Variants in DPP6 observed in about 807,000 individuals in gnomAD.
The protein encoded by DPP6 is dipeptidyl peptidase like 6, also known as A-type potassium channel modulatory protein DPP6.
DPP6 carries 69 observed loss-of-function variants against 122.6 expected under a neutral mutation model. The observed-to-expected ratio is 0.56, with a 90% CI of 0.46 to 0.69. DPP6 has a LOEUF of 0.69. DPP6 is among the 30% of genes least tolerant of loss of function. The probability of loss-of-function intolerance (pLI) is 0.00; values close to 1 mark genes in which losing one functional copy is unlikely to be tolerated. For missense variants in DPP6, 928 were observed against 1,116.9 expected, an observed-to-expected ratio of 0.83 and a Z score of 2.41; for synonymous variants, 418 against 433.1, an observed-to-expected ratio of 0.97 and a Z score of 0.43.
chr7:154,443,695 T>A (rs1479257811), intron 1 of DPP6, among the ~76,000 whole-genome samples: 1 of 150,494 alleles, frequency 6.6e-6, no homozygotes, highest in East Asian at 2.0e-4. Flanking sequence ...GATGGGTGAA[T>A]GGATGGATGG....
chr7:154,333,264 A>T (rs549542434), intron 1 of DPP6, among the ~76,000 whole-genome samples: 7 of 145,694 alleles, frequency 4.8e-5, no homozygotes, highest in African/African-American at 1.6e-4. Flanking sequence ...TTTTTTTTTT[A>T]AATTGAGTGT....
At chr7:153,932,073 A>G (rs1185038230) in intron 1 of DPP6, among the ~76,000 whole-genome samples, 3 of 150,036 alleles carry the variant, frequency 2.0e-5, no homozygotes, top group East Asian at 2.0e-4. Context: ...TAAATCTTCT[A>G]TCTTATTCTC....
chr7:154,161,015 C>G (rs1464738922), intron 1 of DPP6, among the ~76,000 whole-genome samples: 1 of 152,158 alleles, frequency 6.6e-6, no homozygotes, highest in Admixed American at 6.5e-5. Flanking sequence ...GGCAGGTCTA[C>G]TCAGGGGCAG....
the DPP6 span, among the ~76,000 whole-genome samples, chr7:153,846,973 C>T: frequency 6.6e-6 from 1 of 152,120 alleles, no homozygotes; most frequent in Non-Finnish European, 1.5e-5. Flanking sequence ...AGGCATGAGC[C>T]ACCGTGCCTG....
chr7:153,798,306 C>G, the DPP6 span, among the ~76,000 whole-genome samples: 18 of 152,290 alleles, frequency 1.2e-4, no homozygotes, highest in South Asian at 8.3e-4. Flanking sequence ...AAATTCAGCC[C>G]ATAGCATCCA....
At chr7:154,562,466 CT>C (rs1336199364) in intron 4 of DPP6, among the ~76,000 whole-genome samples, 2 of 152,048 alleles carry the variant, frequency 1.3e-5, no homozygotes, top group African/African-American at 4.8e-5. Flanking sequence ...TAAAAGATAT[CT>C]ATTAAAAATA....
intron 1 of DPP6, among the ~76,000 whole-genome samples, chr7:154,362,556 A>G (rs1053787293): frequency 6.6e-6 from 1 of 150,496 alleles, no homozygotes; most frequent in Non-Finnish European, 1.5e-5. Flanking sequence ...CTGGGATTAC[A>G]GGTGTGCTTT....
In DPP6 at chr7:154,606,035, T is replaced by G. The variant is rs1191445303; in HGVS notation, c.628-31786T>G. ...ATTTTCTTAATTTATTACAATACAA[T>G]CAAGAGTTTACTCAGTTTGAGATGA... On this transcript the variant is annotated intron_variant, in intron 5 of 25. Coordinates refer to ENST00000377770, the MANE Select transcript of DPP6 (RefSeq NM_130797.4). 1.7e-5 allele frequency among the ~76,000 whole-genome samples: 2 copies of G among 120,846 alleles called. 1 individual carries two copies. The highest frequency in any genetic ancestry group is 3.7e-5 in the Non-Finnish European group (2 of 53,520). 79.3% of individuals were successfully genotyped at this position (120,846 alleles called of 152,430 possible). A position where few individuals can be genotyped will look rare whatever the true frequency, so the allele number is the denominator to read the frequency against.
At chr7:154,558,968 A>G (rs1393220857) in intron 4 of DPP6, among the ~76,000 whole-genome samples, 1 of 152,232 alleles carries the variant, frequency 6.6e-6, no homozygotes, top group Non-Finnish European at 1.5e-5. Context: ...AGAGAGAATT[A>G]AAAATATCTG....
chr7:154,244,261 C>G (rs1801830617), intron 1 of DPP6, among the ~76,000 whole-genome samples: 1 of 151,988 alleles, frequency 6.6e-6, no homozygotes, highest in South Asian at 2.1e-4. Context: ...GAAAAAAATA[C>G]AAATCTATTG....
intron 2 of DPP6, among the ~76,000 whole-genome samples, chr7:154,462,403 C>A (rs1288992710): frequency 1.6e-4 from 24 of 152,084 alleles, no homozygotes; most frequent in Non-Finnish European, 1.2e-4. Flanking sequence ...TGAAGAATGT[C>A]ATCAGTATTT....
intron 6 of DPP6, among the ~76,000 whole-genome samples, chr7:154,660,936 A>G (rs11978710): frequency 3.1e-3 from 183 of 59,896 alleles, no homozygotes; most frequent in Middle Eastern, 0.02. Context: ...TGGCCGTAGT[A>G]TTCATATAGT....
At chr7:154,427,785 A>G (rs1818035259) in intron 1 of DPP6, among the ~76,000 whole-genome samples, 1 of 152,240 alleles carries the variant, frequency 6.6e-6, no homozygotes, top group Admixed American at 6.5e-5. Context: ...GGCCTTCAAT[A>G]GCAGCCTTCA....
the DPP6 span, among the ~76,000 whole-genome samples, chr7:153,858,729 A>G: frequency 6.6e-6 from 1 of 152,320 alleles, no homozygotes; most frequent in East Asian, 1.9e-4. Context: ...TTGGCTTTAA[A>G]CAGAGATGTT....
chr7:154,583,337 T>A (rs1264817911), intron 5 of DPP6, among the ~76,000 whole-genome samples: 2 of 152,200 alleles, frequency 1.3e-5, no homozygotes, highest in Non-Finnish European at 2.9e-5. Flanking sequence ...TGTGCCAATC[T>A]CCTCAGGCCT....
intron 1 of DPP6, among the ~76,000 whole-genome samples, chr7:153,995,765 GA>G (rs1200762538): frequency 6.6e-6 from 1 of 152,106 alleles, no homozygotes; most frequent in African/African-American, 2.4e-5. Context: ...GTAATTCTGA[GA>G]GGGAATAAAA....
At position 154,486,521 on chromosome 7, in the gene DPP6, C is replaced by T. The variant is rs1293011286; in HGVS notation, c.457+11484C>T. Among the ~76,000 whole-genome samples, 1 of 152,152 alleles carries T rather than the reference C, an allele frequency of 6.6e-6. No individual in the cohort carries two copies. The highest frequency in any genetic ancestry group is 6.6e-5 in the Admixed American group (1 of 15,266). Reference sequence around the variant, plus strand: ...TGCTCTTCTCTTTTTCTGAAAATACCGTTGCTCATCACTTCTCTGCTTCAG... The same window carrying T: ...TGCTCTTCTCTTTTTCTGAAAATACTGTTGCTCATCACTTCTCTGCTTCAG... On this transcript the variant is annotated intron_variant, in intron 3 of 25. Coordinates refer to ENST00000377770, the MANE Select transcript of DPP6 (RefSeq NM_130797.4). The surrounding 1 kb of genome is among the most constrained non-coding windows in gnomAD (Gnocchi z 4.5).
intron 5 of DPP6, among the ~76,000 whole-genome samples, chr7:154,584,576 T>C (rs1400435435): frequency 6.6e-6 from 1 of 152,206 alleles, no homozygotes; most frequent in Non-Finnish European, 1.5e-5. Flanking sequence ...TGTGAGTGTT[T>C]ATGTGAAAGG....
At chr7:153,884,849 G>A (rs564247100), upstream of DPP6, among the ~76,000 whole-genome samples, 287 of 151,420 alleles carry the variant, frequency 1.9e-3, no homozygotes, top group Non-Finnish European at 3.3e-3. Context: ...GCGTGGTGGT[G>A]GGCACCTGTA....
Sources: allele counts gnomAD v4.1 joint callset (sites outside exome capture counted in the v4.1 genomes callset), GRCh38; gene constraint gnomAD v4.1.1; non-coding constraint Gnocchi (gnomAD v3.1); transcripts MANE v1.5; gene names NCBI Gene and HGNC (gene_info 2026-07-23, HGNC 2026-07-21).